The following NR1I3 variants were observed in gnomAD, a reference collection of about 807,000 sequenced individuals.
NR1I3 encodes constitutive activator of retinoid response.
Under a neutral mutation model 38.4 loss-of-function variants are expected in NR1I3, and 30 were observed. That is an observed-to-expected ratio of 0.78 (90% confidence interval 0.58 to 1.06). The LOEUF (loss-of-function observed/expected upper bound fraction) is 1.06, where lower values mean the gene tolerates loss of function less well. Ranked by LOEUF, NR1I3 falls within the 50% of genes least tolerant of loss-of-function variation. The pLI is 0.00. For missense variants in NR1I3, 388 were observed against 435.7 expected (o/e 0.89, Z 0.97); for synonymous variants, 143 against 165.1 (o/e 0.87, Z 1.03).
intron 7 of NR1I3, 72 bp downstream of exon 7, chr1:161,231,045 A>G: frequency 6.2e-7 from 1 of 1,613,680 alleles, no homozygotes; most frequent in South Asian, 1.1e-5. Context: ...GCCTGGGTGG[A>G]TGGACTCAAG....
intron 5 of NR1I3, 104 bp downstream of exon 5, chr1:161,232,703 G>C (rs560189638): frequency 3.4e-6 from 4 of 1,162,392 alleles, no homozygotes; most frequent in Middle Eastern, 3.9e-4. Context: ...CCTAATGCTT[G>C]GAAAGGCTGA....
intron 1 of NR1I3, 52 bp downstream of exon 1, chr1:161,237,989 C>T: frequency 1.9e-6 from 3 of 1,542,422 alleles, no homozygotes; most frequent in Non-Finnish European, 2.7e-6. Flanking sequence ...TAGCCCCCAG[C>T]ATTATCTGTA....
intron 8 of NR1I3, 186 bp downstream of exon 8, chr1:161,230,627 T>C: frequency 2.7e-6 from 2 of 740,980 alleles, no homozygotes; most frequent in East Asian, 5.4e-5. Context: ...AACAGCAGTA[T>C]CCAAATACAG....
intron 3 of NR1I3, 70 bp downstream of exon 3, chr1:161,235,774 GAAT>G: frequency 6.3e-7 from 1 of 1,594,138 alleles, no homozygotes; most frequent in South Asian, 1.1e-5. Context: ...GCTATGTAGA[GAAT>G]GCACTGTTGG....
At chr1:161,232,782 T>C in intron 5 of NR1I3, 25 bp downstream of exon 5, 1 of 1,613,082 alleles carries the variant, frequency 6.2e-7, no homozygotes, top group Non-Finnish European at 8.5e-7. Context: ...GTTTGCCTCC[T>C]GAAAGATGAG....
chr1:161,237,769 T>C lies in NR1I3; in HGVS notation c.-34+272A>G, dbSNP rs371339197. ...AAAACAAAAAAACAAAAAAACAAATTCCTGACTTCAAGTGATCAATCCTCC... is the reference window on the plus strand; with the variant it reads ...AAAACAAAAAAACAAAAAAACAAATCCCTGACTTCAAGTGATCAATCCTCC... On this transcript the variant is annotated intron_variant, in intron 1 of 8. Coordinates refer to ENST00000367983, the MANE Select transcript of NR1I3 (RefSeq NM_005122.5). 2.3e-3 allele frequency among the ~76,000 whole-genome samples: 349 copies of C among 151,910 alleles called. 1 individual carries two copies. Among genetic ancestry groups the C allele is most frequent in the African/African-American group, 7.9e-3 (328 of 41,448 alleles).
intron 3 of NR1I3, among the ~76,000 whole-genome samples, chr1:161,234,301 C>T (rs909224815): frequency 6.6e-6 from 1 of 152,038 alleles, no homozygotes; most frequent in African/African-American, 2.4e-5. Context: ...CTGCACCCAG[C>T]CCAATCACAT....
rs979271869 is a variant in NR1I3 at position 161,233,851 on chromosome 1, G to A, written c.239-513C>T. 3.1e-5 allele frequency among the ~76,000 whole-genome samples: 4 copies of A among 130,046 alleles called. No individual in the cohort carries two copies. The South Asian group carries it at 7.1e-4, about 23-fold the overall frequency. 85.3% of individuals were successfully genotyped at this position (130,046 alleles called of 152,430 possible). A position where few individuals can be genotyped will look rare whatever the true frequency, so the allele number is the denominator to read the frequency against. On this transcript the variant is annotated intron_variant, in intron 3 of 8. Coordinates refer to ENST00000367983, the MANE Select transcript of NR1I3 (RefSeq NM_005122.5). ...ATCATATATATATGTGTGTGTGTGT[G>A]TGTGTGTGTGTGTGTGTGTGTGTGT... is the stretch of plus-strand genomic sequence containing the variant.
In NR1I3 at chr1:161,231,120, G is replaced by A; in HGVS notation, c.808C>T (p.Pro270Ser). 4 of 1,614,172 alleles carry A rather than the reference G, an allele frequency of 2.5e-6. No homozygotes were observed. The highest frequency in any genetic ancestry group is 1.1e-5 in the South Asian group (1 of 91,082). The change falls in exon 7 of 9, where the codon CCT becomes TCT. Residue 270 changes from proline to serine, a missense_variant. Pro to Ser is a moderately conservative substitution (Grantham distance 74). Coordinates refer to ENST00000367983, the MANE Select transcript of NR1I3 (RefSeq NM_005122.5). ...VLLAAMALFS[P>S]DRPGVTQRDE... ...CTGGGCTTTGGGAGGTGCTCACCAG[G>A]AGAGAAGAGGGCCATGGCAGCCAAG...
intron 8 of NR1I3, chr1:161,230,596 A>T (rs1414497644): frequency 3.1e-6 from 2 of 643,804 alleles, no homozygotes; most frequent in African/African-American, 1.8e-5. Flanking sequence ...ATAAAAAAAA[A>T]ATCTGGAAAA....
chr1:161,232,061 C>T (rs1244571123), intron 5 of NR1I3, among the ~76,000 whole-genome samples: 1 of 151,614 alleles, frequency 6.6e-6, no homozygotes, highest in Non-Finnish European at 1.5e-5. Flanking sequence ...ATCTCGGCTA[C>T]AGCAAACCTC....
chr1:161,234,468 C>T (rs1668166539), intron 3 of NR1I3, among the ~76,000 whole-genome samples: 1 of 152,224 alleles, frequency 6.6e-6, no homozygotes, highest in African/African-American at 2.4e-5. Flanking sequence ...TTGACTTCTA[C>T]AGTTTCCTTT....
At chr1:161,234,144 C>T in intron 3 of NR1I3, among the ~76,000 whole-genome samples, 1 of 151,408 alleles carries the variant, frequency 6.6e-6, no homozygotes, top group East Asian at 1.9e-4. Flanking sequence ...AGGCACCCAC[C>T]ATCACGCCCT....
At chr1:161,231,281 C>G in intron 6 of NR1I3, 48 bp from the exon 7 acceptor site, 2 of 1,612,812 alleles carry the variant, frequency 1.2e-6, no homozygotes, top group Non-Finnish European at 1.7e-6. Flanking sequence ...CTGACCACAT[C>G]CTGTACCATG....
chr1:161,232,132 G>A (rs575264575), intron 5 of NR1I3, among the ~76,000 whole-genome samples: 12 of 151,162 alleles, frequency 7.9e-5, no homozygotes, highest in East Asian at 7.9e-4. Flanking sequence ...GATTATAGGC[G>A]CCCACCACCA....
chr1:161,236,917 T>TTA (rs1380549829), intron 1 of NR1I3, among the ~76,000 whole-genome samples: 57 of 151,476 alleles, frequency 3.8e-4, no homozygotes, highest in African/African-American at 1.1e-3. Context: ...ATTTATTTAT[T>TTA]TTTTTTGTAG....
At chr1:161,230,950 G>C in intron 7 of NR1I3, 32 bp from the exon 8 acceptor site, 1 of 1,613,556 alleles carries the variant, frequency 6.2e-7, no homozygotes, top group South Asian at 1.1e-5. Context: ...AGGACAAGTT[G>C]GGTGGCAGGG....
At chr1:161,235,237 G>A (rs182557684) in intron 3 of NR1I3, 1 of 150,330 alleles carries the variant, frequency 6.7e-6, no homozygotes, top group East Asian at 2.0e-4. Flanking sequence ...GAAAAGCCTT[G>A]GGGAAGAGTG....
At position 161,231,309 on chromosome 1, in the gene NR1I3, T is replaced by G; in HGVS notation, c.694+20A>C. On this transcript the variant is annotated intron_variant, in intron 6 of 8. Transcript: ENST00000367983. ...GTACCATGAGGACACATGCCCCCTA[T>G]TGCTCTAGCACCATCTCACCACGGG... The G allele has an allele frequency of 6.2e-7, 1 of 1,606,258 alleles. No homozygotes were observed. The highest frequency in any genetic ancestry group is 8.5e-7 in the Non-Finnish European group (1 of 1,175,638).
Sources: allele counts gnomAD v4.1 joint callset (sites outside exome capture counted in the v4.1 genomes callset), GRCh38; gene constraint gnomAD v4.1.1; transcripts MANE v1.5; gene names NCBI Gene and HGNC (gene_info 2026-07-23, HGNC 2026-07-21).